Variants in EIF3L observed in about 807,000 individuals in gnomAD.
EIF3L encodes eukaryotic translation initiation factor 3 subunit L, also known as eIEF associated protein HSPC021.
EIF3L carries 32 observed loss-of-function variants against 74.6 expected under a neutral mutation model. That is an observed-to-expected ratio of 0.43 (90% CI 0.32 to 0.58). The LOEUF (loss-of-function observed/expected upper bound fraction) is 0.58. Ranked by LOEUF, EIF3L falls within the 20% of genes least tolerant of loss-of-function variation. The pLI is 0.06. For synonymous variants in EIF3L, 256 were observed against 254.4 expected (o/e 1.01, Z -0.06); for missense variants, 474 against 707.8 (o/e 0.67, Z 3.75).
In EIF3L at chr22:37,886,393, A is replaced by G. The variant is rs1014838052; in HGVS notation, c.1576-372A>G. On this transcript the variant is annotated intron_variant, in intron 11 of 12. Transcript: ENST00000652021. ...AGACCAGCCTGATTAACATGGTAAA[A>G]CCTCATCTCTACTAAAAATACAAAA... The G allele has an allele frequency of 3.7e-5, 6 of 162,276 alleles. No individual in the cohort carries two copies. In the South Asian group the frequency reaches 5.7e-4, roughly 15 times the overall value. The allele number at this position is 162,276 out of a possible 1,614,324, so 10.1% of individuals were successfully genotyped here.
Position 37,878,177 on chromosome 22 carries a change from C to G in EIF3L, c.1575+6C>G. 6.3e-7 allele frequency: 1 copy of G among 1,591,174 alleles called. No homozygotes were observed. Among genetic ancestry groups the G allele is most frequent in the Non-Finnish European group, 8.6e-7 (1 of 1,167,060 alleles). Reference sequence around the variant, plus strand: ...TTGACTTCTACATTGATAAGGTATGCCTGTCCCCTGGGCTTGGGGTCTTGT... The same window carrying G: ...TTGACTTCTACATTGATAAGGTATGGCTGTCCCCTGGGCTTGGGGTCTTGT... On this transcript the variant is annotated splice_donor_region_variant and intron_variant, in intron 11 of 12. Coordinates refer to ENST00000652021, the MANE Select transcript of EIF3L (RefSeq NM_016091.4).
chr22:37,851,027 G>C (rs1925182762), intron 2 of EIF3L, among the ~76,000 whole-genome samples: 1 of 152,198 alleles, frequency 6.6e-6, no homozygotes. Flanking sequence ...AGACAGACGA[G>C]ATTCCTGACT....
rs1210746382 is a variant in EIF3L, at chr22:37,875,920, A to G, written c.986A>G (p.Tyr329Cys). The change falls in exon 10 of 13, where the codon TAC becomes TGC. Residue 329 changes from tyrosine to cysteine, a missense_variant. Tyr to Cys is a radical substitution (Grantham distance 194, BLOSUM62 -2). Around this residue, in one of 4 missense-constraint regions of EIF3L, gnomAD observed 293 missense variants for 469.1 expected, o/e 0.62. Coordinates refer to ENST00000652021, the MANE Select transcript of EIF3L (RefSeq NM_016091.4). ...TTTGCATATTTGATGATGCGTCGTT[A>G]CCAGGATGCCATCCGGGTCTTCGCC... ...VGFAYLMMRR[Y>C]QDAIRVFANI... 1.2e-6 allele frequency: 2 copies of G among 1,613,976 alleles called. No homozygotes were observed. The highest frequency in any genetic ancestry group is 1.7e-6 in the Non-Finnish European group (2 of 1,180,032).
At chr22:37,858,219 CTTTTT>C (rs549425262) in intron 4 of EIF3L, among the ~76,000 whole-genome samples, 218 of 85,106 alleles carry the variant, frequency 2.6e-3, no homozygotes, top group African/African-American at 9.7e-3. Context: ...TTCTTTCTTC[CTTTTT>C]TTTTTTTTTT....
At chr22:37,860,755 A>G (rs1402979885) in intron 5 of EIF3L, among the ~76,000 whole-genome samples, 1 of 152,146 alleles carries the variant, frequency 6.6e-6, no homozygotes, top group Non-Finnish European at 1.5e-5. Context: ...TCTTCCCTGA[A>G]TTACTGCAGG....
intron 7 of EIF3L, among the ~76,000 whole-genome samples, chr22:37,867,954 CAAAAAA>C (rs540704187): frequency 3.3e-5 from 2 of 60,734 alleles, no homozygotes; most frequent in African/African-American, 1.2e-4. Context: ...GACTCCATCT[CAAAAAA>C]AAAAAAAAAA....
At chr22:37,887,031 C>A (rs1025233470) in intron 12 of EIF3L, 186 bp downstream of exon 12, 2 of 438,106 alleles carry the variant, frequency 4.6e-6, no homozygotes, top group East Asian at 1.2e-4. Flanking sequence ...TGGGTTCAAG[C>A]GAGTCTCCCT....
intron 3 of EIF3L, among the ~76,000 whole-genome samples, chr22:37,854,394 G>A (rs917135886): frequency 2.0e-5 from 3 of 152,188 alleles, no homozygotes; most frequent in African/African-American, 7.2e-5. Context: ...GGGTGAGAAA[G>A]GGGAATTGGT....
intron 7 of EIF3L, among the ~76,000 whole-genome samples, chr22:37,867,777 A>C (rs955990734): frequency 1.6e-4 from 25 of 151,600 alleles, no homozygotes; most frequent in African/African-American, 5.8e-4. Context: ...ACACGGTGAA[A>C]CCCCGTCTCT....
chr22:37,867,646 G>A (rs1481122913), intron 7 of EIF3L, among the ~76,000 whole-genome samples: 1 of 110,982 alleles, frequency 9.0e-6, no homozygotes, highest in Non-Finnish European at 1.7e-5. Context: ...AGTAGAGTGA[G>A]ATTCCGTCTC....
chr22:37,851,218 A>G (rs1925200423), intron 2 of EIF3L, 62 bp from the exon 3 acceptor site: 1 of 1,473,274 alleles, frequency 6.8e-7, no homozygotes, highest in South Asian at 1.2e-5. Flanking sequence ...TGGTCTTGCC[A>G]TTTCGTTCTA....
intron 5 of EIF3L, among the ~76,000 whole-genome samples, chr22:37,859,109 A>G (rs889295704): frequency 6.6e-6 from 1 of 151,530 alleles, no homozygotes; most frequent in Non-Finnish European, 1.5e-5. Flanking sequence ...TGAGATGTAC[A>G]TAACACTGTC....
intron 8 of EIF3L, among the ~76,000 whole-genome samples, chr22:37,872,127 T>G (rs553728089): frequency 9.9e-5 from 15 of 152,194 alleles, no homozygotes; most frequent in African/African-American, 1.4e-4. Flanking sequence ...TGTGACTTTT[T>G]TTTTTTTCCT....
Position 37,874,369 on chromosome 22 carries a change from G to T in EIF3L, c.752-1G>T. The T allele has an allele frequency of 6.2e-7, 1 of 1,613,562 alleles. No homozygotes were observed. The highest frequency in any genetic ancestry group is 8.5e-7 in the Non-Finnish European group (1 of 1,179,712). Reference sequence around the variant, plus strand: ...GTATTCACGGTGTCTGTCTCTTTCAGGTGACCCTGAGAGTGTGGCTGGGGA... The same window carrying T: ...GTATTCACGGTGTCTGTCTCTTTCATGTGACCCTGAGAGTGTGGCTGGGGA... On this transcript the variant is annotated splice_acceptor_variant, in intron 8 of 12. Coordinates refer to ENST00000652021, the MANE Select transcript of EIF3L (RefSeq NM_016091.4). LOFTEE classifies it high-confidence loss of function.
chr22:37,855,232 C>T (rs918048413), intron 3 of EIF3L, among the ~76,000 whole-genome samples: 4 of 152,054 alleles, frequency 2.6e-5, no homozygotes, highest in African/African-American at 4.8e-5. Context: ...GAGATGGAAA[C>T]GCTGTGTTAA....
chr22:37,851,541 A>T (rs1925222478), intron 3 of EIF3L, 51 bp downstream of exon 3: 7 of 1,376,374 alleles, frequency 5.1e-6, no homozygotes, highest in Non-Finnish European at 5.9e-6. Context: ...CTGGCCTGGT[A>T]ATATAGTTCC....
At chr22:37,869,997 A>T (rs146244627) in intron 7 of EIF3L, among the ~76,000 whole-genome samples, 179 bp from the exon 8 acceptor site, 1 of 152,194 alleles carries the variant, frequency 6.6e-6, no homozygotes, top group Non-Finnish European at 1.5e-5. Flanking sequence ...CAGAATTCAC[A>T]GTTTAGTCAA....
At chr22:37,862,111 C>A (rs1357245407) in intron 5 of EIF3L, among the ~76,000 whole-genome samples, 2 of 152,214 alleles carry the variant, frequency 1.3e-5, no homozygotes, top group African/African-American at 4.8e-5. Flanking sequence ...GTTGAGATTA[C>A]AGGCGTGAGC....
At chr22:37,855,440 T>C in intron 3 of EIF3L, 125 bp from the exon 4 acceptor site, 1 of 757,278 alleles carries the variant, frequency 1.3e-6, no homozygotes, top group Non-Finnish European at 2.2e-6. Flanking sequence ...CTTGAAGGGC[T>C]TTGGCCTCAG....
Sources: allele counts gnomAD v4.1 joint callset (sites outside exome capture counted in the v4.1 genomes callset), GRCh38; gene constraint gnomAD v4.1.1; regional missense constraint gnomAD v4.1.1; transcripts MANE v1.5; gene names NCBI Gene and HGNC (gene_info 2026-07-23, HGNC 2026-07-21).